The following CACNA1E variants were observed in gnomAD, a reference collection of about 807,000 sequenced individuals.
CACNA1E encodes voltage-dependent R-type calcium channel subunit alpha-1E.
CACNA1E carries 40 observed loss-of-function variants against 259.2 expected under a neutral mutation model. The observed-to-expected ratio is 0.15, with a 90% confidence interval of 0.12 to 0.20. CACNA1E has a LOEUF of 0.20. Among genes scored for constraint, CACNA1E ranks in the 10% least tolerant of loss-of-function variants. The probability of loss-of-function intolerance (pLI) is 1.00; values close to 1 mark genes in which losing one functional copy is unlikely to be tolerated. For synonymous variants in CACNA1E, 1,104 were observed against 1,138.5 expected, an observed-to-expected ratio of 0.97 and a Z score of 0.61; for missense variants, 1,874 against 3,040.1, an observed-to-expected ratio of 0.62 and a Z score of 9.02.
chr1:181,509,444 A>G (rs925567099), intron 1 of CACNA1E, among the ~76,000 whole-genome samples: 1 of 152,062 alleles, frequency 6.6e-6, no homozygotes, highest in African/African-American at 2.4e-5. Context: ...TGCCAGATCT[A>G]CGGCTCCTCT....
chr1:181,441,519 C>A (rs1053682805), intron 2 of CACNA1E, among the ~76,000 whole-genome samples: 22 of 152,118 alleles, frequency 1.4e-4, no homozygotes, highest in Non-Finnish European at 2.9e-4. Flanking sequence ...GGTTTAAGAA[C>A]ACAATGATTG....
chr1:181,419,652 G>T (rs1658576921), intron 2 of CACNA1E, among the ~76,000 whole-genome samples: 1 of 152,214 alleles, frequency 6.6e-6, no homozygotes, highest in African/African-American at 2.4e-5. Flanking sequence ...CCAAAACAGT[G>T]CCTAGTGTGC....
intron 12 of CACNA1E, among the ~76,000 whole-genome samples, chr1:181,718,924 G>T (rs1001937466): frequency 6.6e-6 from 1 of 152,190 alleles, no homozygotes; most frequent in African/African-American, 2.4e-5. Context: ...CTGGGTCGCA[G>T]AACTTTGGGC....
chr1:181,700,281 C>T (rs60084505), intron 7 of CACNA1E, among the ~76,000 whole-genome samples: 1 of 152,128 alleles, frequency 6.6e-6, no homozygotes, highest in Admixed American at 6.5e-5. Flanking sequence ...TGGACCCACA[C>T]AGCTTCAGGA....
intron 1 of CACNA1E, among the ~76,000 whole-genome samples, chr1:181,326,432 G>T (rs912199101): frequency 6.6e-6 from 1 of 152,292 alleles, no homozygotes; most frequent in East Asian, 1.9e-4. Context: ...GAGCGGAACA[G>T]CCCTGAGAAG....
intron 7 of CACNA1E, among the ~76,000 whole-genome samples, chr1:181,668,238 A>G (rs775521512): frequency 6.6e-6 from 1 of 152,270 alleles, no homozygotes; most frequent in Non-Finnish European, 1.5e-5. Flanking sequence ...ATGGAATCAT[A>G]GGATAGAAAA....
At chr1:181,702,924 T>G (rs1364979032) in intron 7 of CACNA1E, among the ~76,000 whole-genome samples, 1 of 152,234 alleles carries the variant, frequency 6.6e-6, no homozygotes, top group Non-Finnish European at 1.5e-5. Context: ...TGTTTATTGT[T>G]TTTCTCCTGC....
intron 1 of CACNA1E, among the ~76,000 whole-genome samples, chr1:181,486,817 T>C: frequency 6.7e-6 from 1 of 150,242 alleles, no homozygotes; most frequent in South Asian, 2.1e-4. Context: ...GGAGGGGTCT[T>C]AGTTCAGGTG....
Position 181,781,478 on chromosome 1 carries a change from T to C in CACNA1E, c.5319T>C (p.Pro1773=). 1 of 1,598,838 alleles carries C rather than the reference T, an allele frequency of 6.3e-7. No homozygotes were observed. Among genetic ancestry groups the C allele is most frequent in the Non-Finnish European group, 8.5e-7 (1 of 1,170,966 alleles). ...EMYEMLTLMS[P]PLGLGKRCPS... is the part of the protein sequence containing the mutation. ...ATGAAATGCTGACTCTCATGTCACCTCCGCTAGGCCTCGGCAAGAGATGTC... is the reference window on the plus strand; with the variant it reads ...ATGAAATGCTGACTCTCATGTCACCCCCGCTAGGCCTCGGCAAGAGATGTC... Residue 1773 remains proline (P), a synonymous_variant, in exon 39 of 48, where the codon CCT becomes CCC. Coordinates refer to ENST00000367573, the MANE Select transcript of CACNA1E (RefSeq NM_001205293.3).
At chr1:181,480,015 C>T (rs867205958), upstream of CACNA1E, among the ~76,000 whole-genome samples, 19 of 152,212 alleles carry the variant, frequency 1.2e-4, no homozygotes, top group Non-Finnish European at 2.5e-4. Flanking sequence ...ACTGGCGGGG[C>T]GCAATGGCTC....
At chr1:181,586,588 T>C (rs893583053) in intron 6 of CACNA1E, among the ~76,000 whole-genome samples, 1 of 152,144 alleles carries the variant, frequency 6.6e-6, no homozygotes, top group Non-Finnish European at 1.5e-5. Context: ...AGGGATAAAG[T>C]AGAGGATGAT....
intron 1 of CACNA1E, among the ~76,000 whole-genome samples, chr1:181,385,739 C>A (rs1655795093): frequency 1.3e-5 from 2 of 151,798 alleles, no homozygotes; most frequent in Non-Finnish European, 2.9e-5. Context: ...CACTTCCTTC[C>A]TTTCCTTCCT....
chr1:181,804,426 A>G lies in CACNA1E; in HGVS notation c.*5592A>G, dbSNP rs1662491072. The G allele has an allele frequency of 6.6e-6, 1 of 152,222 alleles. No individual in the cohort carries two copies. Among genetic ancestry groups the G allele is most frequent in the African/African-American group, 2.4e-5 (1 of 41,462 alleles). 9.4% of individuals were successfully genotyped at this position (152,222 alleles called of 1,614,324 possible). A position where few individuals can be genotyped will look rare whatever the true frequency, so the allele number is the denominator to read the frequency against. On this transcript the variant is annotated 3_prime_UTR_variant, in exon 48 of 48. Transcript: ENST00000367573. Reference sequence around the variant, plus strand: ...TCCTAAGGACTTAAAATATAACCCAAATTAATGAAGAACTGCCCCAAAACT... The same window carrying G: ...TCCTAAGGACTTAAAATATAACCCAGATTAATGAAGAACTGCCCCAAAACT...
At chr1:181,550,686 C>T (rs1004713909) in intron 3 of CACNA1E, among the ~76,000 whole-genome samples, 1 of 152,030 alleles carries the variant, frequency 6.6e-6, no homozygotes, top group Non-Finnish European at 1.5e-5. Context: ...GAAGCCCTGA[C>T]CTTTTTCTGT....
At chr1:181,789,170 C>G (rs1373527276) in intron 43 of CACNA1E, among the ~76,000 whole-genome samples, 1 of 152,214 alleles carries the variant, frequency 6.6e-6, no homozygotes. Flanking sequence ...CGAGAACTCA[C>G]TCATTCTTAT....
At chr1:181,559,478 A>G (rs1407511633) in intron 3 of CACNA1E, among the ~76,000 whole-genome samples, 3 of 152,210 alleles carry the variant, frequency 2.0e-5, no homozygotes, top group Non-Finnish European at 4.4e-5. Context: ...GGGAAAGGCA[A>G]GTATGAAACT....
At chr1:181,794,834 T>G in intron 45 of CACNA1E, 30 bp from the exon 46 acceptor site, 1 of 1,590,090 alleles carries the variant, frequency 6.3e-7, no homozygotes, top group Non-Finnish European at 8.6e-7. Context: ...AATCCATACC[T>G]TGTGTTTCTC....
rs58960348 is a variant in CACNA1E, at chr1:181,690,169, G to A, written c.1056-20785G>A. Among the ~76,000 whole-genome samples the A allele has an allele frequency of 2.1e-3, 318 of 152,212 alleles. 1 individual carries two copies. Among genetic ancestry groups the A allele is most frequent in the African/African-American group, 7.0e-3 (290 of 41,504 alleles). On this transcript the variant is annotated intron_variant, in intron 7 of 47. Transcript: ENST00000367573. ...ATTTTTGTATAAGGTGTAAGGAAGG[G>A]GTCCAGTTTCAGTTTTCTGCATATG...
intron 3 of CACNA1E, among the ~76,000 whole-genome samples, chr1:181,565,436 T>C (rs529466954): frequency 3.3e-5 from 5 of 152,334 alleles, no homozygotes; most frequent in African/African-American, 9.6e-5. Flanking sequence ...TAGCCAGTTT[T>C]CTTCTGGAAG....
Sources: allele counts gnomAD v4.1 joint callset (sites outside exome capture counted in the v4.1 genomes callset), GRCh38; gene constraint gnomAD v4.1.1; transcripts MANE v1.5; gene names NCBI Gene and HGNC (gene_info 2026-07-23, HGNC 2026-07-21).